GPC3: variants seen among roughly 807,000 people sequenced by gnomAD.
The protein encoded by GPC3 is glypican-3.
GPC3 carries 3 observed loss-of-function variants against 34.4 expected under a neutral mutation model. The ratio of observed to expected loss-of-function variants is 0.09; its 90% CI spans 0.04 to 0.23. The LOEUF is 0.23. Ranked by LOEUF, GPC3 falls within the 10% of genes least tolerant of loss-of-function variation. The pLI is 1.00. For synonymous variants in GPC3, 177 were observed against 174.0 expected (o/e 1.02, Z -0.13); for missense variants, 351 against 445.6 (o/e 0.79, Z 1.91).
intron 1 of GPC3, among the ~76,000 whole-genome samples, chrX:133,969,358 C>T (rs1338329308): frequency 8.9e-6 from 1 of 111,929 alleles, no homozygotes; most frequent in Non-Finnish European, 1.9e-5. Flanking sequence ...TTTAGACGAG[C>T]CTTAGCAAAG....
intron 5 of GPC3, among the ~76,000 whole-genome samples, chrX:133,685,129 C>T (rs1021814885): frequency 1.8e-5 from 2 of 111,305 alleles, no homozygotes; most frequent in African/African-American, 3.3e-5. Flanking sequence ...GAACTGTGCC[C>T]CCAACCAAAT....
intron 3 of GPC3, among the ~76,000 whole-genome samples, chrX:133,747,314 T>C (rs1418020091): frequency 1.8e-5 from 2 of 111,935 alleles, no homozygotes; most frequent in Non-Finnish European, 3.8e-5. Context: ...TCTGACTGTG[T>C]GACTGGACCT....
chrX:133,614,586 T>C (rs2070141573), intron 6 of GPC3, among the ~76,000 whole-genome samples: 1 of 111,136 alleles, frequency 9.0e-6, no homozygotes, highest in South Asian at 3.8e-4. Flanking sequence ...TTAGTAGACA[T>C]ACCCTAGGAG....
At chrX:133,906,389 G>T (rs901589770) in intron 2 of GPC3, among the ~76,000 whole-genome samples, 4 of 111,849 alleles carry the variant, frequency 3.6e-5, no homozygotes, top group Admixed American at 1.9e-4. Context: ...TTAAAATATA[G>T]ATATTAAAAA....
chrX:133,874,365 A>C (rs2076006489), intron 2 of GPC3, among the ~76,000 whole-genome samples: 1 of 111,684 alleles, frequency 9.0e-6, no homozygotes, highest in South Asian at 3.7e-4. Flanking sequence ...TATTTCATGT[A>C]ATCTTTAAAG....
chrX:133,676,066 C>T (rs2070881671), intron 5 of GPC3, among the ~76,000 whole-genome samples: 1 of 112,186 alleles, frequency 8.9e-6, no homozygotes, highest in South Asian at 3.7e-4. Flanking sequence ...AGCCATATTG[C>T]TTCATGAGCC....
At chrX:133,968,274 C>T (rs1390240801) in intron 1 of GPC3, among the ~76,000 whole-genome samples, 2 of 112,513 alleles carry the variant, frequency 1.8e-5, no homozygotes, top group Admixed American at 9.4e-5. Flanking sequence ...CGTCTGTCTA[C>T]ATGTCTGCTT....
intron 2 of GPC3, among the ~76,000 whole-genome samples, chrX:133,896,992 C>T (rs1404275370): frequency 9.5e-6 from 1 of 105,708 alleles, no homozygotes; most frequent in Non-Finnish European, 1.9e-5. Context: ...CTGCAAGCTC[C>T]ACCTCCCGGG....
chrX:133,789,327 A>G (rs1311281567), intron 2 of GPC3, among the ~76,000 whole-genome samples: 1 of 111,933 alleles, frequency 8.9e-6, no homozygotes, highest in Admixed American at 9.5e-5. Context: ...AATCATCTAT[A>G]TGTGCAATGG....
chrX:133,899,049 T>C (rs2267520), intron 2 of GPC3, among the ~76,000 whole-genome samples: 31,085 of 111,279 alleles, frequency 0.28, 3,366 homozygotes, highest in African/African-American at 0.35. Flanking sequence ...ACACACATGT[T>C]TTTTAAATAT....
At chrX:133,762,781 A>G (rs1337942928) in intron 2 of GPC3, 21 of 460,989 alleles carry the variant, frequency 4.6e-5, no homozygotes, top group Non-Finnish European at 7.4e-5. Context: ...CCTAACTCAG[A>G]GGAAAACTTT....
intron 2 of GPC3, among the ~76,000 whole-genome samples, chrX:133,920,746 G>T (rs1304059807): frequency 8.9e-6 from 1 of 112,118 alleles, no homozygotes; most frequent in Non-Finnish European, 1.9e-5. Context: ...ACTGTTGATG[G>T]TAAGAGATTC....
intron 2 of GPC3, among the ~76,000 whole-genome samples, chrX:133,894,711 G>A (rs141440006): frequency 0.078 from 8,682 of 111,298 alleles, 352 homozygotes; most frequent in Non-Finnish European, 0.12. Context: ...ATCGCGGTGC[G>A]TGCCTGTAAT....
intron 2 of GPC3, among the ~76,000 whole-genome samples, chrX:133,815,735 G>A (rs1180100730): frequency 8.9e-6 from 1 of 111,751 alleles, no homozygotes; most frequent in East Asian, 2.8e-4. Flanking sequence ...GAACTGATAA[G>A]AGAATGCTGT....
intron 5 of GPC3, among the ~76,000 whole-genome samples, chrX:133,687,185 G>T (rs960102915): frequency 2.1e-5 from 2 of 95,233 alleles, no homozygotes; most frequent in Admixed American, 1.2e-4. Flanking sequence ...CTCGTGATCC[G>T]CCTGCCTCGG....
chrX:133,808,071 G>A (rs1035719149), intron 2 of GPC3, among the ~76,000 whole-genome samples: 5 of 112,417 alleles, frequency 4.4e-5, no homozygotes, highest in Admixed American at 1.9e-4. Flanking sequence ...ATAAGACAAC[G>A]CTGTTAACAA....
rs2075701905 is a variant in GPC3 at position 133,818,235 on chromosome X, CA to C, written c.338-64060del. Among the ~76,000 whole-genome samples, 3 of 111,674 alleles carry C rather than the reference CA, an allele frequency of 2.7e-5. No individual in the cohort carries two copies. In the East Asian group the frequency reaches 8.4e-4, roughly 31 times the overall value. On this transcript the variant is annotated intron_variant, in intron 2 of 7. Transcript: ENST00000370818. Reference sequence around the variant, plus strand: ...ATTTTTTTCTTAATGACACAAAGGCCAAGATAAGGACAGCATAAGTCAAAGC... The same window carrying C: ...ATTTTTTTCTTAATGACACAAAGGCCAGATAAGGACAGCATAAGTCAAAGC...
rs1410448446 is a variant in GPC3 at position 133,880,180 on chromosome X, C to G, written c.337+72870G>C. Reference sequence around the variant, plus strand: ...CATGTGATAAAAAATCAGGTCAAGTCCTCGTGGAGAAATTAGATATCCTGA... The same window carrying G: ...CATGTGATAAAAAATCAGGTCAAGTGCTCGTGGAGAAATTAGATATCCTGA... On this transcript the variant is annotated intron_variant, in intron 2 of 7. Coordinates refer to ENST00000370818, the MANE Select transcript of GPC3 (RefSeq NM_004484.4). Among the ~76,000 whole-genome samples, 45 of 112,174 alleles carry G rather than the reference C, an allele frequency of 4.0e-4. 1 individual carries two copies. In the Admixed American group the frequency reaches 4.3e-3, roughly 11 times the overall value.
chrX:133,567,259 T>A (rs891667158), intron 7 of GPC3, among the ~76,000 whole-genome samples: 2 of 112,212 alleles, frequency 1.8e-5, no homozygotes, highest in African/African-American at 6.5e-5. Context: ...AAGATGTATA[T>A]CTATGACATA....
Sources: allele counts gnomAD v4.1 joint callset (sites outside exome capture counted in the v4.1 genomes callset), GRCh38; gene constraint gnomAD v4.1.1; transcripts MANE v1.5; gene names NCBI Gene and HGNC (gene_info 2026-07-23, HGNC 2026-07-21).